Variants in GPCPD1 observed in about 807,000 individuals in gnomAD.
The protein encoded by GPCPD1 is glycerophosphocholine phosphodiesterase GPCPD1.
Under a neutral mutation model 89.2 loss-of-function variants are expected in GPCPD1, and 29 were observed. The observed-to-expected ratio is 0.33, with a 90% CI of 0.24 to 0.44. The LOEUF is 0.44. GPCPD1 is among the 20% of genes least tolerant of loss of function. GPCPD1 has a pLI of 1.00. For missense variants in GPCPD1, 594 were observed against 808.9 expected, an observed-to-expected ratio of 0.73 and a Z score of 3.22; for synonymous variants, 258 against 266.3, an observed-to-expected ratio of 0.97 and a Z score of 0.30.
chr20:5,549,996 C>T (rs1200897838), intron 19 of GPCPD1, among the ~76,000 whole-genome samples: 1 of 151,966 alleles, frequency 6.6e-6, no homozygotes, highest in African/African-American at 2.4e-5. Flanking sequence ...AGTTCAAGAC[C>T]AGCCTGGGCA....
intron 19 of GPCPD1, among the ~76,000 whole-genome samples, chr20:5,553,682 G>C (rs1459155319): frequency 7.9e-5 from 12 of 152,182 alleles, no homozygotes; most frequent in Admixed American, 5.9e-4. Context: ...AAGTTTTAAT[G>C]GCCTGGATAG....
intron 7 of GPCPD1, among the ~76,000 whole-genome samples, 198 bp from the exon 8 acceptor site, chr20:5,578,809 T>C (rs372819957): frequency 1.3e-5 from 2 of 152,332 alleles, no homozygotes; most frequent in East Asian, 3.9e-4. Context: ...GATGTTATTA[T>C]CTACACATAT....
At chr20:5,582,456 A>C (rs1193512352) in intron 6 of GPCPD1, among the ~76,000 whole-genome samples, 5 of 152,124 alleles carry the variant, frequency 3.3e-5, no homozygotes, top group African/African-American at 4.8e-5. Context: ...CCACAACCAA[A>C]ACATTCAGGC....
chr20:5,544,469 C>G lies in GPCPD1; in HGVS notation c.*3192G>C, dbSNP rs1364441935. On this transcript the variant is annotated 3_prime_UTR_variant, in exon 20 of 20. Coordinates refer to ENST00000379019, the MANE Select transcript of GPCPD1 (RefSeq NM_019593.5). ...GCCACCACCATTTATTTATCTAGTT[C>G]ATAACTAAGGATAGAACACTATAGC... 1 of 152,206 alleles carries G rather than the reference C, an allele frequency of 6.6e-6. No homozygotes were observed. Among genetic ancestry groups the G allele is most frequent in the Admixed American group, 6.5e-5 (1 of 15,272 alleles). 9.4% of individuals were successfully genotyped at this position (152,206 alleles called of 1,614,324 possible).
intron 19 of GPCPD1, chr20:5,548,785 T>A: frequency 2.9e-6 from 1 of 347,996 alleles, no homozygotes. Flanking sequence ...CCCAGGCCAG[T>A]GGTAGGAAAC....
rs1282937267 is a variant in GPCPD1, at chr20:5,547,446, A to G, written c.*215T>C. Reference sequence around the variant, plus strand: ...AAATATTTATATTACTAACCAATAAATTTTCTCACTATAAAGAGACTGACT... The same window carrying G: ...AAATATTTATATTACTAACCAATAAGTTTTCTCACTATAAAGAGACTGACT... On this transcript the variant is annotated 3_prime_UTR_variant, in exon 20 of 20. Coordinates refer to ENST00000379019, the MANE Select transcript of GPCPD1 (RefSeq NM_019593.5). The G allele has an allele frequency of 3.1e-6, 1 of 320,054 alleles. No homozygotes were observed. Among genetic ancestry groups the G allele is most frequent in the Non-Finnish European group, 5.6e-6 (1 of 177,998 alleles). 19.8% of individuals were successfully genotyped at this position (320,054 alleles called of 1,614,324 possible). A position where few individuals can be genotyped will look rare whatever the true frequency, so the allele number is the denominator to read the frequency against.
chr20:5,552,878 T>C (rs1303604162), intron 19 of GPCPD1, among the ~76,000 whole-genome samples: 1 of 152,238 alleles, frequency 6.6e-6, no homozygotes, highest in Non-Finnish European at 1.5e-5. Flanking sequence ...ATCCAAGGAA[T>C]GTATTGTTTA....
intron 6 of GPCPD1, among the ~76,000 whole-genome samples, chr20:5,582,638 C>G (rs1175313505): frequency 6.6e-6 from 1 of 152,126 alleles, no homozygotes; most frequent in African/African-American, 2.4e-5. Context: ...CCTGTAATCC[C>G]AACACTTTGG....
intron 1 of GPCPD1, among the ~76,000 whole-genome samples, chr20:5,607,590 G>GA (rs899460060): frequency 8.0e-4 from 114 of 143,014 alleles, no homozygotes; most frequent in African/African-American, 2.5e-3. Flanking sequence ...AAAAGAAAAA[G>GA]AAAAAAAAAA....
intron 1 of GPCPD1, among the ~76,000 whole-genome samples, chr20:5,609,891 T>C (rs1233007569): frequency 6.7e-6 from 1 of 150,298 alleles, no homozygotes; most frequent in Admixed American, 6.6e-5. Flanking sequence ...TATTTCTTAG[T>C]TAAGTCACAG....
At chr20:5,579,942 T>A (rs1416975531) in intron 7 of GPCPD1, 66 bp downstream of exon 7, 1 of 991,790 alleles carries the variant, frequency 1.0e-6, no homozygotes, top group African/African-American at 1.6e-5. Context: ...CTAAAACCAA[T>A]TGAGTCTGAA....
intron 1 of GPCPD1, among the ~76,000 whole-genome samples, chr20:5,606,177 A>G (rs1363865591): frequency 6.6e-6 from 1 of 152,212 alleles, no homozygotes; most frequent in East Asian, 1.9e-4. Flanking sequence ...AGCTTAATAC[A>G]CACATGTACA....
chr20:5,550,035 T>C (rs1398246197), intron 19 of GPCPD1, among the ~76,000 whole-genome samples: 1 of 151,200 alleles, frequency 6.6e-6, no homozygotes, highest in Non-Finnish European at 1.5e-5. Context: ...TCTACTAAAA[T>C]ACAAAAAATT....
chr20:5,571,599 C>T (rs1986721476), intron 11 of GPCPD1, among the ~76,000 whole-genome samples: 1 of 152,138 alleles, frequency 6.6e-6, no homozygotes, highest in African/African-American at 2.4e-5. Flanking sequence ...GAAATCCTCT[C>T]TCAAAAAGCA....
chr20:5,604,288 T>G (rs1265210334), intron 2 of GPCPD1, 76 bp downstream of exon 2: 3 of 790,138 alleles, frequency 3.8e-6, no homozygotes, highest in Non-Finnish European at 2.2e-6. Context: ...TAATAGCAAC[T>G]CCATATTTAA....
intron 13 of GPCPD1, among the ~76,000 whole-genome samples, chr20:5,567,210 T>C (rs888608880): frequency 6.6e-6 from 1 of 152,170 alleles, no homozygotes; most frequent in Non-Finnish European, 1.5e-5. Context: ...AGATTATGAA[T>C]GAGAAGGGCT....
chr20:5,599,871 A>G (rs1013649937), intron 2 of GPCPD1, among the ~76,000 whole-genome samples: 2 of 152,260 alleles, frequency 1.3e-5, no homozygotes, highest in Middle Eastern at 3.4e-3. Flanking sequence ...GTACTTCTTA[A>G]CTAAGGTAAT....
At chr20:5,602,525 T>C (rs1353772830) in intron 2 of GPCPD1, among the ~76,000 whole-genome samples, 1 of 152,250 alleles carries the variant, frequency 6.6e-6, no homozygotes, top group Non-Finnish European at 1.5e-5. Flanking sequence ...AATTTGAACT[T>C]AGACTCACAC....
Position 5,546,736 on chromosome 20 carries a change from T to G in GPCPD1, c.*925A>C, listed in dbSNP as rs767125894. ...AAACCCACAAAGCAACAGTGTGTAA[T>G]AGGTAGTGAGAGACACACAAAATAA... On this transcript the variant is annotated 3_prime_UTR_variant, in exon 20 of 20. Coordinates refer to ENST00000379019, the MANE Select transcript of GPCPD1 (RefSeq NM_019593.5). 6.6e-6 allele frequency: 1 copy of G among 152,560 alleles called. No homozygotes were observed. The highest frequency in any genetic ancestry group is 1.5e-5 in the Non-Finnish European group (1 of 68,030). 9.5% of individuals were successfully genotyped at this position (152,560 alleles called of 1,614,324 possible).
Sources: gnomAD v4.1 joint callset for allele counts (sites outside exome capture counted in the v4.1 genomes callset) on GRCh38, gnomAD v4.1.1 for gene constraint, MANE v1.5 for transcripts, NCBI Gene and HGNC (gene_info 2026-07-23, HGNC 2026-07-21) for gene names.